ATP8B1: variants seen among roughly 807,000 people sequenced by gnomAD.
The protein encoded by ATP8B1 is phospholipid-transporting ATPase IC.
Under a neutral mutation model 149.9 loss-of-function variants are expected in ATP8B1, and 80 were observed. The observed-to-expected ratio is 0.53, with a 90% confidence interval of 0.45 to 0.64. The LOEUF (loss-of-function observed/expected upper bound fraction) is 0.64. ATP8B1 is among the 30% of genes least tolerant of loss of function. The pLI is 0.00. For missense variants in ATP8B1, 1,247 were observed against 1,552.6 expected (o/e 0.80, Z 3.31); for synonymous variants, 536 against 562.8 (o/e 0.95, Z 0.67).
chr18:57,685,138 C>A (rs1912170135), intron 13 of ATP8B1, 23 bp from the exon 14 acceptor site: 1 of 1,613,726 alleles, frequency 6.2e-7, no homozygotes, highest in Non-Finnish European at 8.5e-7. Flanking sequence ...CAGGACAAAA[C>A]AAATTGATTC....
rs566032867 is a variant in ATP8B1, at chr18:57,721,541, A to C, written c.181+10086T>G. The stretch of plus-strand genomic sequence containing the variant: ...GTAAAGGGATCAATTCGACAAGAAG[A>C]GCTAACTCTCCTAAATATATATGCA... On this transcript the variant is annotated intron_variant, in intron 2 of 27. Transcript: ENST00000648908. 2.0e-5 allele frequency among the ~76,000 whole-genome samples: 3 copies of C among 152,248 alleles called. No homozygotes were observed. In the South Asian group the frequency reaches 6.2e-4, roughly 32 times the overall value.
chr18:57,688,230 T>C, intron 13 of ATP8B1, 69 bp downstream of exon 13: 4 of 1,510,330 alleles, frequency 2.6e-6, no homozygotes, highest in Non-Finnish European at 3.7e-6. Context: ...CAGGCTATAG[T>C]CCAAGTAATG....
chr18:57,743,172 C>G (rs138693677), intron 1 of ATP8B1, among the ~76,000 whole-genome samples: 63 of 152,216 alleles, frequency 4.1e-4, no homozygotes, highest in African/African-American at 1.3e-3. Context: ...GAGGTGGTTT[C>G]AAAGCTTGCC....
chr18:57,681,255 T>C (rs1911953869), intron 15 of ATP8B1, among the ~76,000 whole-genome samples: 1 of 143,826 alleles, frequency 7.0e-6, no homozygotes. Context: ...GGCAACCCAG[T>C]TGATAAAGAA....
At chr18:57,675,860 C>T (rs2122756903) in intron 15 of ATP8B1, among the ~76,000 whole-genome samples, 1 of 152,226 alleles carries the variant, frequency 6.6e-6, no homozygotes, top group Non-Finnish European at 1.5e-5. Context: ...TACACGCCAC[C>T]ACACCTGGCT....
intron 1 of ATP8B1, among the ~76,000 whole-genome samples, chr18:57,779,100 ATTGT>A (rs2080335880): frequency 1.3e-5 from 2 of 152,218 alleles, no homozygotes; most frequent in Admixed American, 6.6e-5. Flanking sequence ...AGGTGGGCAG[ATTGT>A]TTGAGCCCAG....
intron 12 of ATP8B1, among the ~76,000 whole-genome samples, chr18:57,691,552 C>T (rs996979024): frequency 1.3e-5 from 2 of 152,162 alleles, no homozygotes; most frequent in East Asian, 3.8e-4. Context: ...ACAATGACTA[C>T]AGGAGTAGCA....
Position 57,668,554 on chromosome 18 carries a change from T to TA in ATP8B1, c.2098-15dup, listed in dbSNP as rs34422185. The stretch of plus-strand genomic sequence containing the variant: ...AGCTCCCAGGAGCTAGAATGTATAT[T>TA]AAAAAAAAAAAAAAAAGGAATTAGC... On this transcript the variant is annotated splice_polypyrimidine_tract_variant and intron_variant, in intron 18 of 27. Coordinates refer to ENST00000648908, the MANE Select transcript of ATP8B1 (RefSeq NM_001374385.1). 2.2e-3 allele frequency: 1,415 copies of TA among 642,640 alleles called. 157 individuals carry two copies. The highest frequency in any genetic ancestry group is 3.5e-3 in the South Asian group (153 of 43,872). 39.8% of individuals were successfully genotyped at this position (642,640 alleles called of 1,614,324 possible).
chr18:57,663,733 A>G (rs1910662129), intron 20 of ATP8B1, among the ~76,000 whole-genome samples: 1 of 150,100 alleles, frequency 6.7e-6, no homozygotes, highest in Admixed American at 6.7e-5. Context: ...TCCTCTTTGG[A>G]AAAATGTCTA....
At position 57,674,258 on chromosome 18, in the gene ATP8B1, A is replaced by AAAG. The variant is rs375157951; in HGVS notation, c.1819+575_1819+576insCTT. 1.1e-4 allele frequency among the ~76,000 whole-genome samples: 14 copies of AAAG among 132,784 alleles called. No homozygotes were observed. In the Admixed American group the frequency reaches 1.1e-3, roughly 11 times the overall value. 87.1% of individuals were successfully genotyped at this position (132,784 alleles called of 152,430 possible). ...CTCCATCTCAAAAAAAAAAAAAAAA[A>AAAG]GAAAAGAAAAGAAAAAAAAGAGAGG... On this transcript the variant is annotated intron_variant, in intron 16 of 27. Coordinates refer to ENST00000648908, the MANE Select transcript of ATP8B1 (RefSeq NM_001374385.1).
intron 1 of ATP8B1, among the ~76,000 whole-genome samples, chr18:57,741,720 A>G (rs2079915619): frequency 2.0e-5 from 3 of 152,236 alleles, no homozygotes; most frequent in South Asian, 4.1e-4. Context: ...ATTAGTCACA[A>G]GCAGTAATTC....
At chr18:57,728,136 T>C (rs2079726842) in intron 2 of ATP8B1, among the ~76,000 whole-genome samples, 1 of 149,772 alleles carries the variant, frequency 6.7e-6, no homozygotes. Context: ...GGCTAGAGGA[T>C]TTCCTTTCTT....
At chr18:57,674,241 C>CAAAAAAAAAAAAAAAAAAAAAAAA (rs745500180) in intron 16 of ATP8B1, among the ~76,000 whole-genome samples, 1 of 82,578 alleles carries the variant, frequency 1.2e-5, no homozygotes, top group African/African-American at 4.4e-5. Context: ...GACTCCATCT[C>CAAAAAAAAAAAAAAAAAAAAAAAA]AAAAAAAAAA....
chr18:57,760,151 GA>G (rs202110557), intron 1 of ATP8B1, among the ~76,000 whole-genome samples: 34 of 151,982 alleles, frequency 2.2e-4, no homozygotes, highest in Admixed American at 5.2e-4. Context: ...AGATCGGGGG[GA>G]AAAAATGACT....
chr18:57,692,729 C>G (rs966056204), intron 11 of ATP8B1, among the ~76,000 whole-genome samples: 1 of 151,986 alleles, frequency 6.6e-6, no homozygotes, highest in African/African-American at 2.4e-5. Context: ...CTCACCCAGC[C>G]AGAATTTTTT....
intron 12 of ATP8B1, among the ~76,000 whole-genome samples, chr18:57,689,600 G>A (rs1266943999): frequency 6.6e-6 from 1 of 152,148 alleles, no homozygotes; most frequent in Non-Finnish European, 1.5e-5. Context: ...ACCATTCTAG[G>A]TGCAGGGGAC....
At chr18:57,697,961 T>C (rs1049914505) in intron 6 of ATP8B1, 94 bp from the exon 7 acceptor site, 8 of 1,202,490 alleles carry the variant, frequency 6.7e-6, no homozygotes, top group Admixed American at 2.0e-5. Context: ...CTGGAAAATA[T>C]GCAAGTCACA....
chr18:57,731,666 T>A lies in ATP8B1; in HGVS notation c.142A>T (p.Asn48Tyr). Residue 48 changes from asparagine (N) to tyrosine (Y), a missense_variant, in exon 2 of 28, where the codon AAC (asparagine) becomes TAC (tyrosine). Around this residue, in one of 3 missense-constraint regions of ATP8B1, gnomAD observed 853 missense variants for 1,035.7 expected, o/e 0.82. Transcript: ENST00000648908. ...TCCCGGTTCTCCTCTGCTTCCCTGT[T>A]GACTCGGTTTTGTTCTGGTTCAACA... The part of the protein sequence containing the change: ...SAVEPEQNRV[N>Y]REAEENREPF... 6.2e-7 allele frequency: 1 copy of A among 1,614,182 alleles called. No homozygotes were observed. Among genetic ancestry groups the A allele is most frequent in the African/African-American group, 1.3e-5 (1 of 75,046 alleles).
At chr18:57,758,348 A>C (rs1249685539) in intron 1 of ATP8B1, among the ~76,000 whole-genome samples, 1 of 152,070 alleles carries the variant, frequency 6.6e-6, no homozygotes, top group Non-Finnish European at 1.5e-5. Flanking sequence ...TTTTACAAAG[A>C]TAAGAAGATA....
Sources: gnomAD v4.1 joint callset for allele counts (sites outside exome capture counted in the v4.1 genomes callset) on GRCh38, gnomAD v4.1.1 for gene constraint, gnomAD v4.1.1 regional missense constraint, MANE v1.5 for transcripts, NCBI Gene and HGNC (gene_info 2026-07-23, HGNC 2026-07-21) for gene names.